MMP16: variants seen among roughly 807,000 people sequenced by gnomAD.
The protein encoded by MMP16 is matrix metalloproteinase-16.
MMP16 carries 12 observed loss-of-function variants against 67.8 expected under a neutral mutation model. That is an observed-to-expected ratio of 0.18 (90% CI 0.11 to 0.29). The LOEUF is 0.29. Ranked by LOEUF, MMP16 falls within the 10% of genes least tolerant of loss-of-function variation. The probability of loss-of-function intolerance (pLI) is 1.00; values close to 1 mark genes in which losing one functional copy is unlikely to be tolerated. For synonymous variants in MMP16, 249 were observed against 255.9 expected (o/e 0.97, Z 0.26); for missense variants, 475 against 765.7 (o/e 0.62, Z 4.48).
At chr8:88,281,160 G>A (rs1206466218) in intron 1 of MMP16, among the ~76,000 whole-genome samples, 1 of 152,072 alleles carries the variant, frequency 6.6e-6, no homozygotes, top group African/African-American at 2.4e-5. Context: ...AATACAGATA[G>A]AATTAAAAAC....
intron 3 of MMP16, among the ~76,000 whole-genome samples, chr8:88,181,440 C>T (rs1266293354): frequency 6.6e-6 from 1 of 151,396 alleles, no homozygotes; most frequent in Non-Finnish European, 1.5e-5. Flanking sequence ...TAAATTAGCA[C>T]CAGAAAAGTA....
At chr8:88,322,795 T>C (rs1025571972) in intron 1 of MMP16, among the ~76,000 whole-genome samples, 1 of 152,112 alleles carries the variant, frequency 6.6e-6, no homozygotes, top group African/African-American at 2.4e-5. Context: ...TAGTGAGCTA[T>C]GATCACGTCA....
intron 9 of MMP16, among the ~76,000 whole-genome samples, chr8:88,042,188 C>T (rs1347062539): frequency 6.6e-6 from 1 of 152,128 alleles, no homozygotes; most frequent in East Asian, 1.9e-4. Context: ...GCTGAAACAG[C>T]CTTATAAACT....
chr8:88,278,160 C>T (rs1439190946), intron 1 of MMP16, among the ~76,000 whole-genome samples: 1 of 152,174 alleles, frequency 6.6e-6, no homozygotes, highest in Non-Finnish European at 1.5e-5. Context: ...TATAAACCAT[C>T]ACTACTGAAG....
intron 1 of MMP16, among the ~76,000 whole-genome samples, chr8:88,280,507 G>T (rs1810716210): frequency 6.6e-6 from 1 of 152,202 alleles, no homozygotes; most frequent in Non-Finnish European, 1.5e-5. Context: ...CTTAAGATGT[G>T]AGTTTAGTGA....
chr8:88,057,588 G>A (rs1808347375), intron 7 of MMP16, among the ~76,000 whole-genome samples: 1 of 151,978 alleles, frequency 6.6e-6, no homozygotes, highest in African/African-American at 2.4e-5. Flanking sequence ...CCACAGATAA[G>A]GACTATGATA....
intron 4 of MMP16, among the ~76,000 whole-genome samples, chr8:88,138,564 A>T (rs1282153324): frequency 1.3e-5 from 2 of 151,946 alleles, no homozygotes; most frequent in Non-Finnish European, 1.5e-5. Flanking sequence ...TGGCCCCTTA[A>T]TCGTGGCTTC....
chr8:88,271,838 G>C (rs906312607), intron 1 of MMP16, among the ~76,000 whole-genome samples: 1 of 152,112 alleles, frequency 6.6e-6, no homozygotes, highest in African/African-American at 2.4e-5. Context: ...ATGAGAACTT[G>C]GTAGATAACA....
chr8:88,270,113 G>T (rs1435577788), intron 1 of MMP16, among the ~76,000 whole-genome samples: 1 of 152,076 alleles, frequency 6.6e-6, no homozygotes, highest in Non-Finnish European at 1.5e-5. Context: ...TTAAGACAAA[G>T]AACAGTTATC....
In MMP16 at chr8:88,037,110, T is replaced by C. The variant is rs192025053; in HGVS notation, c.*4351A>G. On this transcript the variant is annotated 3_prime_UTR_variant, in exon 10 of 10. Transcript: ENST00000286614. ...AAGATCCACAAAGTGTGGGCGTGTA[T>C]GTGTACCATACTAGATATATTAGCA... 6.7e-6 allele frequency: 1 copy of C among 150,318 alleles called. No individual in the cohort carries two copies. The highest frequency in any genetic ancestry group is 2.0e-4 in the East Asian group (1 of 5,128). 9.3% of individuals were successfully genotyped at this position (150,318 alleles called of 1,614,324 possible).
intron 7 of MMP16, 76 bp from the exon 8 acceptor site, chr8:88,056,354 AATTAT>A (rs931841882): frequency 1.6e-5 from 9 of 555,348 alleles, no homozygotes; most frequent in African/African-American, 1.4e-4. Flanking sequence ...ACACATTTAA[AATTAT>A]ATTAAATACA....
intron 1 of MMP16, among the ~76,000 whole-genome samples, chr8:88,256,684 T>A (rs550722488): frequency 2.7e-5 from 4 of 150,434 alleles, no homozygotes; most frequent in African/African-American, 9.8e-5. Flanking sequence ...TCTCTCTCTC[T>A]CACACACACA....
At chr8:88,086,369 C>T (rs1389852811) in intron 6 of MMP16, among the ~76,000 whole-genome samples, 10 of 151,868 alleles carry the variant, frequency 6.6e-5, no homozygotes, top group Admixed American at 3.9e-4. Flanking sequence ...ATCTGAAGAT[C>T]GTATTAGCAA....
chr8:88,097,102 T>C (rs1329402730), intron 6 of MMP16, among the ~76,000 whole-genome samples: 1 of 151,972 alleles, frequency 6.6e-6, no homozygotes, highest in African/African-American at 2.4e-5. Context: ...ATGTCACCTG[T>C]AATATCCCTT....
At chr8:88,056,027 A>G in intron 8 of MMP16, 101 bp downstream of exon 8, 1 of 884,614 alleles carries the variant, frequency 1.1e-6, no homozygotes, top group Non-Finnish European at 1.6e-6. Flanking sequence ...TGTTAAATCC[A>G]CCAGGATTCT....
chr8:88,084,570 G>C (rs1404535243), intron 6 of MMP16, among the ~76,000 whole-genome samples: 2 of 151,958 alleles, frequency 1.3e-5, no homozygotes, highest in Non-Finnish European at 2.9e-5. Context: ...CGTATTTAAA[G>C]ATGAAATTTC....
intron 6 of MMP16, among the ~76,000 whole-genome samples, chr8:88,086,230 A>G (rs1441684176): frequency 6.6e-6 from 1 of 151,802 alleles, no homozygotes; most frequent in African/African-American, 2.4e-5. Flanking sequence ...TATGATGAAG[A>G]AAAGAACAAT....
At chr8:88,132,023 T>A (rs1029832064) in intron 4 of MMP16, among the ~76,000 whole-genome samples, 1 of 151,870 alleles carries the variant, frequency 6.6e-6, no homozygotes. Flanking sequence ...CTGAAATTGC[T>A]TTGACTATTT....
intron 6 of MMP16, among the ~76,000 whole-genome samples, chr8:88,096,968 T>C (rs1021870979): frequency 2.0e-5 from 3 of 151,918 alleles, no homozygotes; most frequent in Non-Finnish European, 4.4e-5. Flanking sequence ...GGCTCTGTAG[T>C]GACAATTTCA....
Sources: allele counts gnomAD v4.1 joint callset (sites outside exome capture counted in the v4.1 genomes callset), GRCh38; gene constraint gnomAD v4.1.1; transcripts MANE v1.5; gene names NCBI Gene and HGNC (gene_info 2026-07-23, HGNC 2026-07-21).